Variants in ERC2 observed in about 807,000 individuals in gnomAD.
ERC2 encodes ELKS/RAB6-interacting/CAST family member 2, also known as ERC protein 2.
A neutral mutation model predicts 114.8 loss-of-function variants in ERC2; 42 were observed. That is an observed-to-expected ratio of 0.37 (90% CI 0.29 to 0.47). The LOEUF is 0.47. Among genes scored for constraint, ERC2 ranks in the 20% least tolerant of loss-of-function variants. ERC2 has a pLI of 0.99. For missense variants in ERC2, 939 were observed against 1,150.7 expected, an observed-to-expected ratio of 0.82 and a Z score of 2.66; for synonymous variants, 454 against 425.5, an observed-to-expected ratio of 1.07 and a Z score of -0.82.
At chr3:55,951,096 C>T (rs1189776243) in intron 12 of ERC2, among the ~76,000 whole-genome samples, 1 of 152,162 alleles carries the variant, frequency 6.6e-6, no homozygotes, top group Non-Finnish European at 1.5e-5. Context: ...AACTGGAAGG[C>T]TGCAGTGAGG....
intron 14 of ERC2, among the ~76,000 whole-genome samples, chr3:55,855,276 A>G (rs2061741256): frequency 6.6e-6 from 1 of 152,218 alleles, no homozygotes; most frequent in East Asian, 1.9e-4. Context: ...ATGGAAATGT[A>G]CACACCTATA....
chr3:55,818,699 G>A (rs1480533410), intron 14 of ERC2, among the ~76,000 whole-genome samples: 1 of 152,216 alleles, frequency 6.6e-6, no homozygotes, highest in Non-Finnish European at 1.5e-5. Context: ...TGTGTGCAAT[G>A]TGACAAGGCA....
intron 3 of ERC2, among the ~76,000 whole-genome samples, chr3:56,210,447 G>A (rs2048991766): frequency 6.6e-6 from 1 of 152,206 alleles, no homozygotes; most frequent in African/African-American, 2.4e-5. Flanking sequence ...CCATATAGGT[G>A]TGCTTTGTAC....
At chr3:55,608,229 A>T (rs1163639176) in intron 17 of ERC2, among the ~76,000 whole-genome samples, 3 of 152,236 alleles carry the variant, frequency 2.0e-5, no homozygotes, top group African/African-American at 7.2e-5. Flanking sequence ...AATCGAAAAG[A>T]AACAAAACCC....
rs144643048 is a variant in ERC2 at position 55,713,198 on chromosome 3, C to A, written c.2713-13686G>T. 3.0e-4 allele frequency among the ~76,000 whole-genome samples: 45 copies of A among 150,244 alleles called. No homozygotes were observed. The East Asian group carries it at 8.7e-3, about 29-fold the overall frequency. ...TTTAATTCTAAGTATATACTTCATT[C>A]TTTTCCTTATTAAAAAAAAATTTTT... On this transcript the variant is annotated intron_variant, in intron 15 of 17. Transcript: ENST00000288221.
chr3:55,662,319 T>G (rs2061173187), intron 17 of ERC2, among the ~76,000 whole-genome samples: 1 of 152,244 alleles, frequency 6.6e-6, no homozygotes, highest in South Asian at 2.1e-4. Flanking sequence ...GCAAACTATC[T>G]AAATGCCCAT....
rs141086142 is a variant in ERC2 at position 55,734,044 on chromosome 3, T to G, written c.2712+727A>C. On this transcript the variant is annotated intron_variant, in intron 15 of 17. Transcript: ENST00000288221. ...TTCATGGATGATTTTCCAATATACT[T>G]CAGGTGTAATTATTTCCATTTAAGC... is the stretch of plus-strand genomic sequence containing the variant. Among the ~76,000 whole-genome samples the G allele has an allele frequency of 1.8e-3, 281 of 152,310 alleles. 2 individuals are homozygous for G. The highest frequency in any genetic ancestry group is 3.4e-3 in the Non-Finnish European group (230 of 68,018).
chr3:56,333,174 C>T (rs1481337533), intron 2 of ERC2, among the ~76,000 whole-genome samples: 2 of 152,182 alleles, frequency 1.3e-5, no homozygotes, highest in Non-Finnish European at 2.9e-5. Flanking sequence ...TGCTCTCTCT[C>T]CTATACAGCT....
At chr3:56,052,102 T>C (rs1022444007) in intron 7 of ERC2, among the ~76,000 whole-genome samples, 1 of 152,202 alleles carries the variant, frequency 6.6e-6, no homozygotes, top group Non-Finnish European at 1.5e-5. Context: ...ATTCTAGTAA[T>C]GTGCTGTTGG....
At chr3:55,725,038 G>C (rs76908751) in intron 15 of ERC2, among the ~76,000 whole-genome samples, 3,061 of 152,292 alleles carry the variant, frequency 0.02, 74 homozygotes, top group African/African-American at 0.054. Context: ...AAGAGAGAGA[G>C]AGCACAGTGA....
At chr3:56,101,033 A>C (rs1420808641) in intron 6 of ERC2, among the ~76,000 whole-genome samples, 1 of 152,242 alleles carries the variant, frequency 6.6e-6, no homozygotes, top group Non-Finnish European at 1.5e-5. Flanking sequence ...TTCTGAATGG[A>C]AAGTTATTTT....
At chr3:55,919,589 T>C (rs553303690) in intron 13 of ERC2, among the ~76,000 whole-genome samples, 1 of 152,164 alleles carries the variant, frequency 6.6e-6, no homozygotes, top group Non-Finnish European at 1.5e-5. Context: ...CTCACAACTT[T>C]ATCTTCAACG....
chr3:55,547,194 A>G (rs2054815824), intron 17 of ERC2, among the ~76,000 whole-genome samples: 1 of 152,328 alleles, frequency 6.6e-6, no homozygotes, highest in Middle Eastern at 3.4e-3. Context: ...GCTGATGCCC[A>G]GGGCTGTCCT....
In ERC2 at chr3:56,234,615, C is replaced by G. The variant is rs534485865; in HGVS notation, c.1075-61095G>C. 3.3e-5 allele frequency among the ~76,000 whole-genome samples: 5 copies of G among 152,264 alleles called. No homozygotes were observed. In the East Asian group the frequency reaches 7.7e-4, roughly 24 times the overall value. On this transcript the variant is annotated intron_variant, in intron 3 of 17. Transcript: ENST00000288221. ...CATGGTTATAACAGAATATCAGAGACTGGGTAATTTATAATGAACAGAAAT... is the reference window on the plus strand; with the variant it reads ...CATGGTTATAACAGAATATCAGAGAGTGGGTAATTTATAATGAACAGAAAT...
intron 10 of ERC2, among the ~76,000 whole-genome samples, chr3:55,993,597 T>C (rs2149528359): frequency 6.6e-6 from 1 of 152,052 alleles, no homozygotes; most frequent in South Asian, 2.1e-4. Flanking sequence ...ACATATTATT[T>C]AAGCATGAGG....
At chr3:56,258,624 A>T (rs2052691070) in intron 3 of ERC2, among the ~76,000 whole-genome samples, 1 of 152,242 alleles carries the variant, frequency 6.6e-6, no homozygotes, top group Non-Finnish European at 1.5e-5. Context: ...ACTGCACTCC[A>T]GCCTGGGCAA....
At chr3:56,040,564 G>T (rs79899381) in intron 7 of ERC2, among the ~76,000 whole-genome samples, 1 of 982 alleles carries the variant, frequency 1.0e-3, no homozygotes, top group East Asian at 0.05. Flanking sequence ...TGTATATAGA[G>T]ATGTATATAT....
At chr3:56,195,546 C>T (rs1218520539) in intron 3 of ERC2, among the ~76,000 whole-genome samples, 1 of 150,572 alleles carries the variant, frequency 6.6e-6, no homozygotes, top group African/African-American at 2.4e-5. Flanking sequence ...TAGGACAATA[C>T]TGGCCAGGTG....
chr3:56,323,670 G>A (rs546791713), intron 2 of ERC2, among the ~76,000 whole-genome samples: 1 of 152,280 alleles, frequency 6.6e-6, no homozygotes, highest in East Asian at 1.9e-4. Flanking sequence ...CAAAAACAAT[G>A]TTATATACAC....
Sources: gnomAD v4.1 joint callset for allele counts (sites outside exome capture counted in the v4.1 genomes callset) on GRCh38, gnomAD v4.1.1 for gene constraint, MANE v1.5 for transcripts, NCBI Gene and HGNC (gene_info 2026-07-23, HGNC 2026-07-21) for gene names.